Variants in TPRG1 observed in about 807,000 individuals in gnomAD.
TPRG1 encodes the protein tumor protein p63-regulated gene 1 protein.
A neutral mutation model predicts 29.3 loss-of-function variants in TPRG1; 29 were observed. The ratio of observed to expected loss-of-function variants is 0.99; its 90% CI spans 0.74 to 1.35. The LOEUF (loss-of-function observed/expected upper bound fraction) is 1.35. Ranked by LOEUF, TPRG1 falls within the 40% of genes most tolerant of loss-of-function variation. The probability of loss-of-function intolerance (pLI) is 0.00; values close to 1 mark genes in which losing one functional copy is unlikely to be tolerated. For synonymous variants in TPRG1, 130 were observed against 116.8 expected (o/e 1.11, Z -0.73); for missense variants, 327 against 335.0 (o/e 0.98, Z 0.19).
chr3:189,259,053 AACTC>A (rs1342599500), intron 4 of TPRG1, among the ~76,000 whole-genome samples: 1 of 152,060 alleles, frequency 6.6e-6, no homozygotes, highest in Non-Finnish European at 1.5e-5. Flanking sequence ...GTATGAAAAA[AACTC>A]CTGCAGCTAG....
At chr3:189,103,870 C>T (rs1257509503) in intron 1 of TPRG1, among the ~76,000 whole-genome samples, 6 of 152,160 alleles carry the variant, frequency 3.9e-5, no homozygotes, top group Admixed American at 2.6e-4. Context: ...GCAAAAATCA[C>T]GGCCCATCAC....
At chr3:189,114,052 A>C (rs1429223390) in intron 1 of TPRG1, among the ~76,000 whole-genome samples, 2 of 152,204 alleles carry the variant, frequency 1.3e-5, no homozygotes, top group African/African-American at 2.4e-5. Flanking sequence ...ATTTAATCAC[A>C]TTAAAATTTT....
chr3:189,021,711 T>TCTCGA (rs1293895823), intron 3 of TPRG1, among the ~76,000 whole-genome samples: 2 of 152,164 alleles, frequency 1.3e-5, no homozygotes, highest in African/African-American at 4.8e-5. Flanking sequence ...TTATGTGTCT[T>TCTCGA]GGAGTTGCTC....
chr3:189,055,072 C>A lies in TPRG1; in HGVS notation c.-463+31126C>A, dbSNP rs1360098329. 2.0e-5 allele frequency among the ~76,000 whole-genome samples: 3 copies of A among 152,138 alleles called. No homozygotes were observed. In the East Asian group the frequency reaches 5.8e-4, roughly 29 times the overall value. On this transcript the variant is annotated intron_variant, in intron 4 of 10. Coordinates refer to the TPRG1 transcript ENST00000433971. ...AACTATCTGTTTGAATAAAATGCTA[C>A]CTAGTATTTAGTTGTAGAGTTTCTC...
chr3:189,156,103 T>C (rs1726632188), intron 5 of TPRG1, among the ~76,000 whole-genome samples: 1 of 152,124 alleles, frequency 6.6e-6, no homozygotes, highest in South Asian at 2.1e-4. Context: ...CTTAAATATA[T>C]ACAATATTTA....
At chr3:189,312,488 A>C (rs1355119689) in intron 5 of TPRG1, among the ~76,000 whole-genome samples, 1 of 152,134 alleles carries the variant, frequency 6.6e-6, no homozygotes, top group Non-Finnish European at 1.5e-5. Context: ...CTTTATTGTA[A>C]ATCAAAATAA....
At chr3:189,203,378 A>AT (rs971158757) in intron 1 of TPRG1, among the ~76,000 whole-genome samples, 25 of 151,988 alleles carry the variant, frequency 1.6e-4, no homozygotes, top group African/African-American at 5.6e-4. Context: ...CTGCCATTTA[A>AT]TTTTTTTAAA....
chr3:189,006,808 T>C (rs960543299), intron 3 of TPRG1, among the ~76,000 whole-genome samples: 1 of 152,146 alleles, frequency 6.6e-6, no homozygotes, highest in Non-Finnish European at 1.5e-5. Context: ...TTTTTGTAAA[T>C]AAAGTTTTAT....
intron 1 of TPRG1, among the ~76,000 whole-genome samples, chr3:189,195,510 C>T (rs1732391033): frequency 6.6e-6 from 1 of 152,180 alleles, no homozygotes; most frequent in East Asian, 1.9e-4. Context: ...AGAGCCATGA[C>T]TACTCACCGC....
chr3:189,200,598 T>C (rs562381612), intron 1 of TPRG1, among the ~76,000 whole-genome samples: 2 of 152,366 alleles, frequency 1.3e-5, no homozygotes, highest in Admixed American at 1.3e-4. Flanking sequence ...TTCCCATCGC[T>C]ATCCCATCTG....
At position 189,259,866 on chromosome 3, in the gene TPRG1, G is replaced by A. The variant is rs1014618125; in HGVS notation, c.479+20957G>A. ...GCAATCGTGGAAACAGATGATGGTA[G>A]CATCTGAAACATGAAATTCTCTGAT... is the stretch of plus-strand genomic sequence containing the variant. On this transcript the variant is annotated intron_variant, in intron 4 of 5. Coordinates refer to ENST00000345063, the MANE Select transcript of TPRG1 (RefSeq NM_198485.4). Among the ~76,000 whole-genome samples, 6 of 152,134 alleles carry A rather than the reference G, an allele frequency of 3.9e-5. No individual in the cohort carries two copies. The South Asian group carries it at 1.2e-3, about 31-fold the overall frequency.
chr3:189,031,407 T>A (rs972048867), intron 4 of TPRG1, among the ~76,000 whole-genome samples: 1 of 152,232 alleles, frequency 6.6e-6, no homozygotes, highest in Non-Finnish European at 1.5e-5. Context: ...GGCATATGTA[T>A]GCATGATGTT....
chr3:189,206,781 A>G (rs1477696972), intron 1 of TPRG1, among the ~76,000 whole-genome samples: 1 of 147,162 alleles, frequency 6.8e-6, no homozygotes, highest in Non-Finnish European at 1.5e-5. Context: ...GATTACAGGC[A>G]TGAGTCACCA....
rs530382489 is a variant in TPRG1 at position 189,276,620 on chromosome 3, G to C, written c.480-33766G>C. Among the ~76,000 whole-genome samples the C allele has an allele frequency of 2.0e-5, 3 of 152,266 alleles. No homozygotes were observed. The South Asian group carries it at 6.2e-4, about 32-fold the overall frequency. ...CATGCTTTAAAGTACTGATGTCTAA[G>C]GGATTTCATTTTAGGAAAAGCTTAA... On this transcript the variant is annotated intron_variant, in intron 4 of 5. Transcript: ENST00000345063.
In TPRG1 at chr3:189,207,218, T is replaced by C. The variant is rs1162284592; in HGVS notation, c.-9-158T>C. ...GTGGATGGTATTTAGAAGTCTGTGT[T>C]ATGAAGCTGTATCCACCAATGCCTC... On this transcript the variant is annotated intron_variant, in intron 1 of 5. Transcript: ENST00000345063. 4.1e-6 allele frequency: 4 copies of C among 972,220 alleles called. No homozygotes were observed. In the East Asian group the frequency reaches 3.4e-4, roughly 83 times the overall value. 60.2% of individuals were successfully genotyped at this position (972,220 alleles called of 1,614,324 possible).
chr3:189,242,012 C>T (rs973824935), intron 4 of TPRG1, among the ~76,000 whole-genome samples: 1 of 152,046 alleles, frequency 6.6e-6, no homozygotes, highest in Non-Finnish European at 1.5e-5. Flanking sequence ...TTGAGAAAAG[C>T]TTTCTCCATA....
At chr3:189,289,791 A>T (rs1718692041) in intron 4 of TPRG1, among the ~76,000 whole-genome samples, 1 of 152,204 alleles carries the variant, frequency 6.6e-6, no homozygotes, top group Admixed American at 6.5e-5. Context: ...TGATCAACCT[A>T]TATCTTTGCT....
At chr3:189,188,253 T>G (rs567243570) in intron 1 of TPRG1, among the ~76,000 whole-genome samples, 1 of 152,366 alleles carries the variant, frequency 6.6e-6, no homozygotes, top group South Asian at 2.1e-4. Context: ...GGATGTGTGC[T>G]GGGACATGGA....
chr3:189,178,757 C>G (rs1729831035), intron 1 of TPRG1, among the ~76,000 whole-genome samples: 1 of 152,166 alleles, frequency 6.6e-6, no homozygotes, highest in Non-Finnish European at 1.5e-5. Context: ...CCTTACTCTA[C>G]TCATAATTTT....
Sources: gnomAD v4.1 joint callset for allele counts (sites outside exome capture counted in the v4.1 genomes callset) on GRCh38, gnomAD v4.1.1 for gene constraint, MANE v1.5 for transcripts, NCBI Gene and HGNC (gene_info 2026-07-23, HGNC 2026-07-21) for gene names.